Variants in FSTL4 observed in about 807,000 individuals in gnomAD.
FSTL4 encodes the protein follistatin like 4, also known as follistatin-related protein 4.
A neutral mutation model predicts 78.2 loss-of-function variants in FSTL4; 28 were observed. The ratio of observed to expected loss-of-function variants is 0.36; its 90% confidence interval spans 0.27 to 0.49. The LOEUF is 0.49. Among genes scored for constraint, FSTL4 ranks in the 20% least tolerant of loss-of-function variants. The pLI is 0.98. For missense variants in FSTL4, 922 were observed against 1,084.9 expected, an observed-to-expected ratio of 0.85 and a Z score of 2.11; for synonymous variants, 422 against 440.5, an observed-to-expected ratio of 0.96 and a Z score of 0.53.
the FSTL4 span, among the ~76,000 whole-genome samples, chr5:133,751,523 G>A: frequency 6.6e-6 from 1 of 152,154 alleles, no homozygotes; most frequent in African/African-American, 2.4e-5. Context: ...GCCCCATATA[G>A]CAGGAATTAA....
the FSTL4 span, among the ~76,000 whole-genome samples, chr5:133,668,552 T>G: frequency 2.0e-5 from 3 of 152,214 alleles, no homozygotes; most frequent in Admixed American, 2.0e-4. Flanking sequence ...TGGGGTATAT[T>G]ACAAAAACAT....
chr5:133,837,779 A>T, the FSTL4 span, among the ~76,000 whole-genome samples: 1 of 152,222 alleles, frequency 6.6e-6, no homozygotes, highest in South Asian at 2.1e-4. Context: ...ATTTCGAGCC[A>T]CTTTCTGCTC....
At chr5:133,537,243 C>T (rs1025691079) in intron 3 of FSTL4, among the ~76,000 whole-genome samples, 1 of 152,174 alleles carries the variant, frequency 6.6e-6, no homozygotes, top group African/African-American at 2.4e-5. Context: ...GAATAAACTC[C>T]TTTACAATAC....
chr5:133,357,048 C>A (rs1308123149), intron 4 of FSTL4, among the ~76,000 whole-genome samples: 1 of 152,220 alleles, frequency 6.6e-6, no homozygotes, highest in Admixed American at 6.5e-5. Flanking sequence ...CCATTGGGCA[C>A]AAGTGTGGAG....
intron 6 of FSTL4, among the ~76,000 whole-genome samples, chr5:133,305,389 C>A (rs368346534): frequency 6.6e-6 from 1 of 152,208 alleles, no homozygotes; most frequent in Non-Finnish European, 1.5e-5. Flanking sequence ...GGTATTGCCT[C>A]CTCCCTCAGT....
chr5:133,211,710 T>C (rs1368435455), intron 13 of FSTL4, among the ~76,000 whole-genome samples: 1 of 152,190 alleles, frequency 6.6e-6, no homozygotes, highest in Non-Finnish European at 1.5e-5. Context: ...TACCCTTCCT[T>C]ACCTCACGTG....
the FSTL4 span, among the ~76,000 whole-genome samples, chr5:133,728,146 T>A: frequency 2.9e-3 from 443 of 152,342 alleles, 14 homozygotes; most frequent in East Asian, 0.077. Flanking sequence ...AACAGATTTG[T>A]ACTGTTCCAA....
At chr5:133,221,892 T>G (rs13171538) in intron 11 of FSTL4, among the ~76,000 whole-genome samples, 15 of 64,964 alleles carry the variant, frequency 2.3e-4, no homozygotes, top group East Asian at 2.0e-3. Flanking sequence ...TCTTTTCTAG[T>G]TTTTTTTTTT....
chr5:133,633,709 T>C, the FSTL4 span, among the ~76,000 whole-genome samples: 1 of 152,242 alleles, frequency 6.6e-6, no homozygotes, highest in African/African-American at 2.4e-5. Flanking sequence ...TTGAATATTA[T>C]GTTCTGAAAC....
intron 4 of FSTL4, among the ~76,000 whole-genome samples, chr5:133,340,657 T>A (rs1333350999): frequency 6.6e-6 from 1 of 152,160 alleles, no homozygotes; most frequent in Non-Finnish European, 1.5e-5. Flanking sequence ...CAGTTGCAGA[T>A]GAGCCTAAAA....
At chr5:133,713,701 G>A in the FSTL4 span, among the ~76,000 whole-genome samples, 1 of 152,178 alleles carries the variant, frequency 6.6e-6, no homozygotes, top group African/African-American at 2.4e-5. Context: ...GGTCCTGGGT[G>A]GGAGGGGATG....
At chr5:133,543,520 A>G (rs891153505) in intron 3 of FSTL4, among the ~76,000 whole-genome samples, 9 of 152,228 alleles carry the variant, frequency 5.9e-5, no homozygotes, top group Non-Finnish European at 1.3e-4. Context: ...TGGTGAATTT[A>G]ATCTATTATT....
the FSTL4 span, among the ~76,000 whole-genome samples, chr5:133,635,577 A>G: frequency 6.6e-6 from 1 of 152,172 alleles, no homozygotes; most frequent in African/African-American, 2.4e-5. Flanking sequence ...AAGCCTGACC[A>G]ACATGGAGAA....
the FSTL4 span, among the ~76,000 whole-genome samples, chr5:133,725,699 G>T: frequency 0.12 from 18,362 of 152,104 alleles, 1,374 homozygotes; most frequent in Non-Finnish European, 0.17. Flanking sequence ...CCAATATAAG[G>T]GGTTGTTATT....
chr5:133,291,053 C>A (rs1242290979), intron 6 of FSTL4, among the ~76,000 whole-genome samples: 2 of 152,236 alleles, frequency 1.3e-5, no homozygotes, highest in Admixed American at 1.3e-4. Context: ...AGGTCACGTG[C>A]AGCTCTCAAA....
At chr5:133,646,952 C>T in the FSTL4 span, among the ~76,000 whole-genome samples, 2 of 152,138 alleles carry the variant, frequency 1.3e-5, no homozygotes, top group African/African-American at 4.8e-5. Flanking sequence ...AAAGGTGTTA[C>T]TGGAACCATT....
chr5:133,250,142 T>C (rs1425092659), intron 6 of FSTL4, among the ~76,000 whole-genome samples: 1 of 152,256 alleles, frequency 6.6e-6, no homozygotes, highest in Non-Finnish European at 1.5e-5. Flanking sequence ...GAAAATGCAC[T>C]GTAGCTTTTA....
At chr5:133,525,214 G>A (rs968791030) in intron 3 of FSTL4, among the ~76,000 whole-genome samples, 1 of 152,132 alleles carries the variant, frequency 6.6e-6, no homozygotes, top group African/African-American at 2.4e-5. Flanking sequence ...ATGTGAATTC[G>A]CTTATCACGC....
rs1023907411 is a variant in FSTL4 at position 133,361,204 on chromosome 5, C to G, written c.409+39534G>C. The stretch of plus-strand genomic sequence containing the variant: ...TCTAATAAACTTTTCAAGGAGGGGT[C>G]GCATTCCGACCCTGCAGTGCTGGCT... On this transcript the variant is annotated intron_variant, in intron 4 of 15. Coordinates refer to ENST00000265342, the MANE Select transcript of FSTL4 (RefSeq NM_015082.2). This position sits in a 1 kb window ranked among gnomAD's most constrained non-coding sequence, Gnocchi z 4.3. 1.3e-5 allele frequency among the ~76,000 whole-genome samples: 2 copies of G among 152,146 alleles called. No homozygotes were observed. The highest frequency in any genetic ancestry group is 2.9e-5 in the Non-Finnish European group (2 of 68,036).
Sources: allele counts gnomAD v4.1 joint callset (sites outside exome capture counted in the v4.1 genomes callset), GRCh38; gene constraint gnomAD v4.1.1; non-coding constraint Gnocchi (gnomAD v3.1); transcripts MANE v1.5; gene names NCBI Gene and HGNC (gene_info 2026-07-23, HGNC 2026-07-21).